Variants in JMY observed in about 807,000 individuals in gnomAD.
JMY encodes junction mediating and regulatory protein, p53 cofactor, also known as junction-mediating and -regulatory protein.
A neutral mutation model predicts 103.3 loss-of-function variants in JMY; 46 were observed. That is an observed-to-expected ratio of 0.45 (90% CI 0.35 to 0.57). The LOEUF is 0.57. Among genes scored for constraint, JMY ranks in the 20% least tolerant of loss-of-function variants. JMY has a pLI of 0.00. For synonymous variants in JMY, 526 were observed against 489.3 expected (o/e 1.07, Z -0.99); for missense variants, 1,238 against 1,255.2 (o/e 0.99, Z 0.21).
intron 10 of JMY, among the ~76,000 whole-genome samples, chr5:79,319,290 C>T (rs73118330): frequency 0.019 from 2,873 of 152,166 alleles, 93 homozygotes; most frequent in African/African-American, 0.066. Flanking sequence ...GTGTGGGAGA[C>T]GGCTGATGGC....
intron 8 of JMY, 65 bp from the exon 9 acceptor site, chr5:79,314,192 T>C (rs1747134583): frequency 6.5e-7 from 1 of 1,527,084 alleles, no homozygotes; most frequent in Non-Finnish European, 8.8e-7. Context: ...AGAAAATAAA[T>C]AGGCATGTGC....
intron 6 of JMY, among the ~76,000 whole-genome samples, chr5:79,301,756 G>T (rs1274872445): frequency 1.3e-5 from 2 of 152,144 alleles, no homozygotes; most frequent in Non-Finnish European, 2.9e-5. Context: ...AGCCCTGGTT[G>T]TGAGCTTCAT....
chr5:79,318,865 A>T (rs1024082855), intron 10 of JMY, among the ~76,000 whole-genome samples: 9 of 151,910 alleles, frequency 5.9e-5, no homozygotes, highest in African/African-American at 1.7e-4. Flanking sequence ...AATCTTTTCC[A>T]TAGTGGATAT....
At chr5:79,256,866 C>T (rs983026986) in intron 1 of JMY, among the ~76,000 whole-genome samples, 9 of 151,592 alleles carry the variant, frequency 5.9e-5, no homozygotes, top group Admixed American at 2.6e-4. Flanking sequence ...AATTCATCCT[C>T]CCACCTCAGC....
intron 2 of JMY, among the ~76,000 whole-genome samples, chr5:79,285,582 CAT>C (rs1288917570): frequency 1.3e-5 from 2 of 148,254 alleles, no homozygotes; most frequent in Non-Finnish European, 3.0e-5. Context: ...TTTTTTTAAG[CAT>C]AGTTTCTCAC....
intron 1 of JMY, among the ~76,000 whole-genome samples, chr5:79,259,186 A>C (rs1306022551): frequency 6.6e-6 from 1 of 152,092 alleles, no homozygotes; most frequent in Non-Finnish European, 1.5e-5. Context: ...CATCCCGACG[A>C]GTGTCCAGCT....
At chr5:79,269,342 C>G (rs913167750) in intron 1 of JMY, among the ~76,000 whole-genome samples, 1 of 152,184 alleles carries the variant, frequency 6.6e-6, no homozygotes, top group African/African-American at 2.4e-5. Context: ...GTCTTGACTA[C>G]TGTAGCTTTA....
At chr5:79,290,895 G>T (rs1410341356) in intron 3 of JMY, among the ~76,000 whole-genome samples, 1 of 152,148 alleles carries the variant, frequency 6.6e-6, no homozygotes, top group African/African-American at 2.4e-5. Flanking sequence ...CTGAGGCAGA[G>T]AATTGCTTGA....
At chr5:79,292,212 T>C (rs1746443099) in intron 4 of JMY, among the ~76,000 whole-genome samples, 1 of 152,220 alleles carries the variant, frequency 6.6e-6, no homozygotes, top group African/African-American at 2.4e-5. Flanking sequence ...AATATCCTTT[T>C]CTAATTAGCT....
Position 79,236,532 on chromosome 5 carries a change from G to A in JMY, c.-119G>A, listed in dbSNP as rs1744499594. The A allele has an allele frequency of 1.5e-5, 11 of 719,066 alleles. No homozygotes were observed. The highest frequency in any genetic ancestry group is 2.2e-5 in the Non-Finnish European group (11 of 503,728). 44.5% of individuals were successfully genotyped at this position (719,066 alleles called of 1,614,324 possible). The stretch of plus-strand genomic sequence containing the variant: ...GAACGAGCCGGGAGAGCCGGCCGGC[G>A]CACTAAGATGGCTGAAGGCGCCCGG... On this transcript the variant is annotated 5_prime_UTR_variant, in exon 1 of 11. Coordinates refer to ENST00000396137, the MANE Select transcript of JMY (RefSeq NM_152405.5).
At chr5:79,271,531 T>C (rs1161733366) in intron 1 of JMY, among the ~76,000 whole-genome samples, 4 of 152,184 alleles carry the variant, frequency 2.6e-5, no homozygotes, top group Admixed American at 6.5e-5. Flanking sequence ...TTTGGAAGGG[T>C]ATAGTTATTG....
chr5:79,254,050 T>C (rs1490804402), intron 1 of JMY, among the ~76,000 whole-genome samples: 1 of 151,058 alleles, frequency 6.6e-6, no homozygotes, highest in Non-Finnish European at 1.5e-5. Context: ...CAGGTTCAAA[T>C]GATGCTCCTG....
chr5:79,263,608 T>A (rs1329708710), intron 1 of JMY, among the ~76,000 whole-genome samples: 1 of 152,128 alleles, frequency 6.6e-6, no homozygotes, highest in Non-Finnish European at 1.5e-5. Flanking sequence ...TGGCCCAGGC[T>A]GGTCTTGAAC....
chr5:79,284,826 A>G, intron 2 of JMY: 1 of 1,575,448 alleles, frequency 6.3e-7, no homozygotes, highest in Non-Finnish European at 8.6e-7. Flanking sequence ...CTTTCACATC[A>G]TACCAATCTT....
At chr5:79,320,202 C>T (rs7722286) in intron 10 of JMY, among the ~76,000 whole-genome samples, 93,284 of 151,920 alleles carry the variant, frequency 0.61, 29,300 homozygotes, top group African/African-American at 0.76. Flanking sequence ...GGCAACATGA[C>T]GAAACACATC....
At chr5:79,267,222 GGTTT>G (rs1342271057) in intron 1 of JMY, among the ~76,000 whole-genome samples, 2 of 152,168 alleles carry the variant, frequency 1.3e-5, no homozygotes, top group African/African-American at 2.4e-5. Flanking sequence ...TACAGTTCTG[GGTTT>G]GTTTTCCTTT....
chr5:79,236,686 C>G lies in JMY; in HGVS notation c.36C>G (p.Asp12Glu). The change falls in exon 1 of 11, where the codon GAC (aspartate) becomes GAG (glutamate). Residue 12 changes from aspartate to glutamate, a missense_variant. Transcript: ENST00000396137. Reference protein sequence around the residue: ...SFALEETLESDWVAVRPHVFD... With the variant: ...SFALEETLESEWVAVRPHVFD... Reference sequence around the variant, plus strand: ...CGCTGGAGGAGACGCTCGAGTCGGACTGGGTGGCTGTGCGGCCCCATGTGT... The same window carrying G: ...CGCTGGAGGAGACGCTCGAGTCGGAGTGGGTGGCTGTGCGGCCCCATGTGT... 1.3e-6 allele frequency: 2 copies of G among 1,486,906 alleles called. No individual in the cohort carries two copies. Among genetic ancestry groups the G allele is most frequent in the African/African-American group, 1.5e-5 (1 of 68,704 alleles). 92.1% of individuals were successfully genotyped at this position (1,486,906 alleles called of 1,614,324 possible).
chr5:79,247,485 T>G (rs905150844), intron 1 of JMY, among the ~76,000 whole-genome samples: 1 of 151,976 alleles, frequency 6.6e-6, no homozygotes, highest in African/African-American at 2.4e-5. Flanking sequence ...ATTTTTTGTA[T>G]TTTTTAGTTG....
intron 1 of JMY, among the ~76,000 whole-genome samples, chr5:79,250,504 C>T (rs1745052245): frequency 6.6e-6 from 1 of 152,056 alleles, no homozygotes; most frequent in Non-Finnish European, 1.5e-5. Flanking sequence ...AATTGATTTG[C>T]AAATATTCCA....
Sources: gnomAD v4.1 joint callset for allele counts (sites outside exome capture counted in the v4.1 genomes callset) on GRCh38, gnomAD v4.1.1 for gene constraint, MANE v1.5 for transcripts, NCBI Gene and HGNC (gene_info 2026-07-23, HGNC 2026-07-21) for gene names.